The following HNRNPA2B1 variants were observed in gnomAD, a reference collection of about 807,000 sequenced individuals.
HNRNPA2B1 encodes heterogeneous nuclear ribonucleoproteins A2/B1.
A neutral mutation model predicts 46.3 loss-of-function variants in HNRNPA2B1; 3 were observed. The observed-to-expected ratio is 0.06, with a 90% confidence interval of 0.03 to 0.17. The LOEUF is 0.17. Ranked by LOEUF, HNRNPA2B1 falls within the 10% of genes least tolerant of loss-of-function variation. HNRNPA2B1 has a pLI of 1.00. For missense variants in HNRNPA2B1, 221 were observed against 418.9 expected (o/e 0.53, Z 4.12); for synonymous variants, 225 against 133.8 (o/e 1.68, Z -4.70).
chr7:26,198,221 G>T (rs1316643855), intron 1 of HNRNPA2B1: 1 of 180,058 alleles, frequency 5.6e-6, no homozygotes, highest in African/African-American at 2.3e-5. Context: ...TATCTGAAAA[G>T]TATCATTTAT....
intron 7 of HNRNPA2B1, 42 bp downstream of exon 7, chr7:26,195,805 T>C: frequency 1.3e-6 from 2 of 1,598,918 alleles, no homozygotes; most frequent in Non-Finnish European, 1.7e-6. Flanking sequence ...TATAGTTAAG[T>C]ATTAGTCACA....
rs1404595548 is a variant in HNRNPA2B1, at chr7:26,191,931, G to A, written c.*429C>T. 2 of 152,482 alleles carry A rather than the reference G, an allele frequency of 1.3e-5. No individual in the cohort carries two copies. The highest frequency in any genetic ancestry group is 1.5e-5 in the Non-Finnish European group (1 of 68,012). 9.4% of individuals were successfully genotyped at this position (152,482 alleles called of 1,614,324 possible). Reference sequence around the variant, plus strand: ...ACTTAAATTTTTTTAAAGGAAAAACGTTATGTCTTATTACACCATGATCCT... The same window carrying A: ...ACTTAAATTTTTTTAAAGGAAAAACATTATGTCTTATTACACCATGATCCT... On this transcript the variant is annotated 3_prime_UTR_variant, in exon 11 of 11. Coordinates refer to ENST00000618183, the MANE Select transcript of HNRNPA2B1 (RefSeq NM_002137.4).
At chr7:26,198,022 A>G (rs925618457) in intron 1 of HNRNPA2B1, 2 of 430,478 alleles carry the variant, frequency 4.6e-6, no homozygotes, top group Middle Eastern at 5.9e-4. Context: ...ATCTTAAATT[A>G]TTAATTAAAA....
At chr7:26,194,511 C>A (rs948566047) in intron 7 of HNRNPA2B1, among the ~76,000 whole-genome samples, 1 of 150,768 alleles carries the variant, frequency 6.6e-6, no homozygotes, top group African/African-American at 2.5e-5. Context: ...CCAGCCAGGG[C>A]AACACAGCAA....
chr7:26,197,505 G>A (rs558122025), intron 2 of HNRNPA2B1, 44 bp from the exon 3 acceptor site: 4 of 1,597,340 alleles, frequency 2.5e-6, no homozygotes, highest in South Asian at 1.1e-5. Flanking sequence ...TCTCATTATA[G>A]CTTATAAGTG....
At position 26,200,579 on chromosome 7, in the gene HNRNPA2B1, G is replaced by C; in HGVS notation, c.-2C>G. The C allele has an allele frequency of 6.2e-7, 1 of 1,613,374 alleles. No homozygotes were observed. Among genetic ancestry groups the C allele is most frequent in the Non-Finnish European group, 8.5e-7 (1 of 1,179,984 alleles). ...TGATTTCAAACCCGTTACCTCCATC[G>C]CGGACTCAGTCGCTTCAGCCCGATT... On this transcript the variant is annotated 5_prime_UTR_variant, in exon 1 of 11. Transcript: ENST00000618183.
At position 26,193,887 on chromosome 7, in the gene HNRNPA2B1, A is replaced by G. The variant is rs780043993; in HGVS notation, c.722-193T>C. ...GCTGGGGTTACTCAGCCAAATGGAT[A>G]ACACCATGTGCACACAGTTAAATAC... On this transcript the variant is annotated intron_variant, in intron 7 of 10. Transcript: ENST00000618183. Among the ~76,000 whole-genome samples the G allele has an allele frequency of 4.3e-4, 66 of 152,348 alleles. No homozygotes were observed. The Middle Eastern group carries it at 0.014, about 31-fold the overall frequency.
chr7:26,199,348 A>C (rs2128128596), intron 1 of HNRNPA2B1: 1 of 152,596 alleles, frequency 6.6e-6, no homozygotes, highest in East Asian at 1.9e-4. Flanking sequence ...AAACAAAATG[A>C]GAAAAGTAAC....
rs1178730470 is a variant in HNRNPA2B1 at position 26,200,603 on chromosome 7, T to C, written c.-26A>G. ...CGCGGACTCAGTCGCTTCAGCCCGATTTCCCGCAGCCGAGCGAGATGAGAG... is the reference window on the plus strand; with the variant it reads ...CGCGGACTCAGTCGCTTCAGCCCGACTTCCCGCAGCCGAGCGAGATGAGAG... On this transcript the variant is annotated 5_prime_UTR_variant, in exon 1 of 11. Transcript: ENST00000618183. The C allele has an allele frequency of 3.1e-6, 5 of 1,613,594 alleles. No individual in the cohort carries two copies. The highest frequency in any genetic ancestry group is 1.1e-5 in the South Asian group (1 of 91,090).
At chr7:26,192,746 AT>A (rs1783046974) in intron 9 of HNRNPA2B1, among the ~76,000 whole-genome samples, 169 bp from the exon 10 acceptor site, 1 of 152,252 alleles carries the variant, frequency 6.6e-6, no homozygotes, top group East Asian at 1.9e-4. Flanking sequence ...ACTCGGGTTC[AT>A]AGACATTTTT....
At chr7:26,196,779 A>C in intron 4 of HNRNPA2B1, 28 bp downstream of exon 4, 3 of 1,598,468 alleles carry the variant, frequency 1.9e-6, no homozygotes, top group Non-Finnish European at 2.6e-6. Flanking sequence ...ACTGGAAAAA[A>C]ACAGTACATT....
rs1583984414 is a variant in HNRNPA2B1, at chr7:26,195,688, G to A, written c.721+159C>T. The A allele has an allele frequency of 1.2e-5, 9 of 720,286 alleles. No homozygotes were observed. The South Asian group carries it at 1.8e-4, about 15-fold the overall frequency. The allele number at this position is 720,286 out of a possible 1,614,324, so 44.6% of individuals were successfully genotyped here. On this transcript the variant is annotated intron_variant, in intron 7 of 10. Coordinates refer to ENST00000618183, the MANE Select transcript of HNRNPA2B1 (RefSeq NM_002137.4). ...CTATTCCTTAGGCTATAACAGCTAA[G>A]ATGGCAAAACTACTTAGAAATAACT...
Position 26,197,480 on chromosome 7 carries a change from A to C in HNRNPA2B1, c.118-19T>G. On this transcript the variant is annotated intron_variant, in intron 2 of 10. Coordinates refer to ENST00000618183, the MANE Select transcript of HNRNPA2B1 (RefSeq NM_002137.4). ...TCATTACCTTTCAAACCAAAGGGTA[A>C]ACTTTAGCATTTAATCTCATTATAG... is the stretch of plus-strand genomic sequence containing the variant. The C allele has an allele frequency of 6.2e-7, 1 of 1,611,630 alleles. No individual in the cohort carries two copies. The highest frequency in any genetic ancestry group is 8.5e-7 in the Non-Finnish European group (1 of 1,178,766).
At chr7:26,192,931 A>C (rs570625275) in intron 9 of HNRNPA2B1, among the ~76,000 whole-genome samples, 38 of 152,300 alleles carry the variant, frequency 2.5e-4, no homozygotes, top group African/African-American at 9.1e-4. Flanking sequence ...TGGTTTAAGG[A>C]TTTAACTTCA....
At position 26,196,617 on chromosome 7, in the gene HNRNPA2B1, T is replaced by G. The variant is rs1783669387; in HGVS notation, c.517A>C (p.Arg173=). 6.2e-7 allele frequency: 1 copy of G among 1,614,022 alleles called. No homozygotes were observed. Among genetic ancestry groups the G allele is most frequent in the Non-Finnish European group, 8.5e-7 (1 of 1,179,990 alleles). The stretch of plus-strand genomic sequence containing the variant: ...ATTTCTTGTCTAGACAAAGCCTTTC[T>G]TACTTCTGCATTATGACCATTGATG... ...HTINGHNAEV[R]KALSRQEMQE... Residue 173 remains arginine (R), a synonymous_variant, in exon 5 of 11, where the codon AGA becomes CGA. Transcript: ENST00000618183.
At chr7:26,199,865 C>G (rs1033575141) in intron 1 of HNRNPA2B1, 2 of 152,082 alleles carry the variant, frequency 1.3e-5, no homozygotes, top group Non-Finnish European at 2.9e-5. Flanking sequence ...GGCCCGCAAA[C>G]CCGGAGCACC....
In HNRNPA2B1 at chr7:26,193,310, C is replaced by G; in HGVS notation, c.905G>C (p.Gly302Ala). The G allele has an allele frequency of 6.2e-7, 1 of 1,612,334 alleles. No individual in the cohort carries two copies. The highest frequency in any genetic ancestry group is 8.5e-7 in the Non-Finnish European group (1 of 1,178,434). The change falls in exon 9 of 11, where the codon GGT becomes GCT. Residue 302 changes from glycine (G) to alanine (A), a missense_variant. Physicochemically the swap from Gly to Ala is moderately conservative, Grantham distance 60 (BLOSUM62 0). Around this residue, in one of 2 missense-constraint regions of HNRNPA2B1, gnomAD observed 143 missense variants for 200.5 expected, o/e 0.71. Coordinates refer to ENST00000618183, the MANE Select transcript of HNRNPA2B1 (RefSeq NM_002137.4). ...GNYNQQPSNY[G>A]PMKSGNFGGS... ...ACCAAAGTTTCCACTCTTCATTGGA[C>G]CGTAGTTAGAAGGTTGCTGGTTATA...
At chr7:26,200,387 TG>T in intron 1 of HNRNPA2B1, 184 bp downstream of exon 1, 1 of 683,102 alleles carries the variant, frequency 1.5e-6, no homozygotes, top group Non-Finnish European at 2.6e-6. Flanking sequence ...AGGCTGAGGG[TG>T]GGGAAGCTGT....
chr7:26,195,818 A>C (rs1428384083), intron 7 of HNRNPA2B1, 29 bp downstream of exon 7: 1 of 1,604,124 alleles, frequency 6.2e-7, no homozygotes, highest in Non-Finnish European at 8.5e-7. Context: ...TAGTCACATA[A>C]ACAAACCAAA....
Sources: allele counts gnomAD v4.1 joint callset (sites outside exome capture counted in the v4.1 genomes callset), GRCh38; gene constraint gnomAD v4.1.1; regional missense constraint gnomAD v4.1.1; transcripts MANE v1.5; gene names NCBI Gene and HGNC (gene_info 2026-07-23, HGNC 2026-07-21).